Variants in STK4 observed in about 807,000 individuals in gnomAD.
STK4 encodes serine/threonine kinase 4.
Under a neutral mutation model 64.9 loss-of-function variants are expected in STK4, and 30 were observed. The observed-to-expected ratio is 0.46, with a 90% CI of 0.35 to 0.63. The LOEUF (loss-of-function observed/expected upper bound fraction) is 0.63. Among genes scored for constraint, STK4 ranks in the 20% least tolerant of loss-of-function variants. The pLI is 0.01. For missense variants in STK4, 466 were observed against 598.5 expected, an observed-to-expected ratio of 0.78 and a Z score of 2.31; for synonymous variants, 177 against 199.0, an observed-to-expected ratio of 0.89 and a Z score of 0.93.
chr20:45,063,839 G>T (rs1165296570), intron 10 of STK4, among the ~76,000 whole-genome samples: 2 of 150,208 alleles, frequency 1.3e-5, no homozygotes, highest in East Asian at 4.0e-4. Context: ...ACGGAGTCTC[G>T]CTCTGTCACC....
intron 10 of STK4, among the ~76,000 whole-genome samples, chr20:45,034,363 C>T (rs942493365): frequency 6.6e-6 from 1 of 151,722 alleles, no homozygotes; most frequent in Admixed American, 6.6e-5. Flanking sequence ...AGGGGAAAGG[C>T]GAGAGACAGT....
intron 9 of STK4, among the ~76,000 whole-genome samples, chr20:45,019,066 T>C (rs1315013778): frequency 6.6e-6 from 1 of 152,212 alleles, no homozygotes; most frequent in African/African-American, 2.4e-5. Flanking sequence ...TTATATGTCA[T>C]AAAATTTGCC....
intron 10 of STK4, among the ~76,000 whole-genome samples, chr20:45,047,598 G>T (rs1439238960): frequency 6.6e-6 from 1 of 152,174 alleles, no homozygotes; most frequent in Non-Finnish European, 1.5e-5. Context: ...ATAGGAATAT[G>T]TTAATTGGAC....
Position 45,012,996 on chromosome 20 carries a change from C to G in STK4, c.1147+11643C>G, listed in dbSNP as rs1350635314. Among the ~76,000 whole-genome samples, 3 of 124,966 alleles carry G rather than the reference C, an allele frequency of 2.4e-5. 1 individual carries two copies. The highest frequency in any genetic ancestry group is 4.8e-5 in the Non-Finnish European group (3 of 62,956). 82.0% of individuals were successfully genotyped at this position (124,966 alleles called of 152,430 possible). A position where few individuals can be genotyped will look rare whatever the true frequency, so the allele number is the denominator to read the frequency against. On this transcript the variant is annotated intron_variant, in intron 9 of 10. Coordinates refer to ENST00000372806, the MANE Select transcript of STK4 (RefSeq NM_006282.5). The stretch of plus-strand genomic sequence containing the variant: ...TTTTTTTTTATAGAGATGGGATCTC[C>G]CTGTGTTGCCCAGGCTGGTCTGGAA...
chr20:45,042,429 G>T (rs1201232214), intron 10 of STK4, among the ~76,000 whole-genome samples: 1 of 152,104 alleles, frequency 6.6e-6, no homozygotes, highest in Admixed American at 6.5e-5. Context: ...TGCTTATGTA[G>T]CCCAGTGCCT....
At chr20:45,060,871 T>C (rs1978932236) in intron 10 of STK4, among the ~76,000 whole-genome samples, 1 of 152,212 alleles carries the variant, frequency 6.6e-6, no homozygotes, top group African/African-American at 2.4e-5. Flanking sequence ...GAAGGGAGCA[T>C]GCCATATACT....
chr20:44,971,790 C>T (rs762746488), intron 1 of STK4, among the ~76,000 whole-genome samples: 3 of 150,690 alleles, frequency 2.0e-5, no homozygotes, highest in South Asian at 2.1e-4. Context: ...TATGCTTCAG[C>T]GTCCTGAGTA....
intron 6 of STK4, among the ~76,000 whole-genome samples, chr20:44,996,157 A>G (rs985004344): frequency 1.3e-5 from 2 of 152,026 alleles, no homozygotes; most frequent in African/African-American, 4.8e-5. Flanking sequence ...TTTGGTTTGT[A>G]GATCCCCATA....
At chr20:45,034,506 A>G (rs1216496816) in intron 10 of STK4, among the ~76,000 whole-genome samples, 4 of 152,228 alleles carry the variant, frequency 2.6e-5, no homozygotes, top group African/African-American at 7.2e-5. Flanking sequence ...GTGTAAATGC[A>G]TAAAAATATG....
intron 10 of STK4, among the ~76,000 whole-genome samples, chr20:45,067,324 G>A (rs546007660): frequency 6.6e-6 from 1 of 152,310 alleles, no homozygotes; most frequent in East Asian, 1.9e-4. Flanking sequence ...AAGGGATGAT[G>A]TGTTTGAGAA....
At chr20:44,981,056 T>TTTTTGTTTGTTTG (rs1165119860) in intron 3 of STK4, among the ~76,000 whole-genome samples, 1 of 152,158 alleles carries the variant, frequency 6.6e-6, no homozygotes. Flanking sequence ...GTAGCCTGCT[T>TTTTTGTTTGTTTG]TTTTGTTTGT....
At chr20:45,042,754 A>G (rs952229653) in intron 10 of STK4, among the ~76,000 whole-genome samples, 1 of 140,204 alleles carries the variant, frequency 7.1e-6, no homozygotes, top group African/African-American at 2.5e-5. Flanking sequence ...TTGTACTGCT[A>G]CTGAGAAAAA....
At chr20:45,061,694 T>C (rs1308202138) in intron 10 of STK4, among the ~76,000 whole-genome samples, 1 of 151,712 alleles carries the variant, frequency 6.6e-6, no homozygotes. Flanking sequence ...GATTATTTCA[T>C]CACCAAGTAA....
Position 45,036,926 on chromosome 20 carries a change from T to C in STK4, c.1305+11796T>C, listed in dbSNP as rs543755620. Among the ~76,000 whole-genome samples, 14 of 152,218 alleles carry C rather than the reference T, an allele frequency of 9.2e-5. No individual in the cohort carries two copies. The South Asian group carries it at 2.5e-3, about 27-fold the overall frequency. On this transcript the variant is annotated intron_variant, in intron 10 of 10. Coordinates refer to ENST00000372806, the MANE Select transcript of STK4 (RefSeq NM_006282.5). ...TTTCAAAACATCATGTTGTATACAA[T>C]AAATATGTACAAACTGTATTTGTCA...
At chr20:44,971,772 G>A (rs950360585) in intron 1 of STK4, among the ~76,000 whole-genome samples, 1 of 145,400 alleles carries the variant, frequency 6.9e-6, no homozygotes, top group African/African-American at 2.6e-5. Context: ...CTGGGTTCAC[G>A]CCATTCTTAT....
intron 9 of STK4, among the ~76,000 whole-genome samples, chr20:45,021,022 G>A (rs1198513761): frequency 6.6e-6 from 1 of 152,024 alleles, no homozygotes; most frequent in Non-Finnish European, 1.5e-5. Context: ...GTCTTGCTAT[G>A]TTGCCCAGGC....
intron 1 of STK4, 114 bp from the exon 2 acceptor site, chr20:44,971,964 G>A: frequency 2.1e-6 from 2 of 967,940 alleles, no homozygotes; most frequent in Non-Finnish European, 3.1e-6. Flanking sequence ...GTCTTAACTA[G>A]TGAAGTCTGT....
chr20:44,994,595 C>T (rs1431285075), intron 5 of STK4, among the ~76,000 whole-genome samples: 1 of 151,646 alleles, frequency 6.6e-6, no homozygotes, highest in South Asian at 2.1e-4. Flanking sequence ...CTCCTCATCT[C>T]CCCCATTACA....
intron 9 of STK4, among the ~76,000 whole-genome samples, chr20:45,011,390 G>C (rs1207003068): frequency 6.6e-6 from 1 of 152,042 alleles, no homozygotes; most frequent in East Asian, 1.9e-4. Context: ...TCATTCTTAA[G>C]TGTATTTTAA....
Sources: allele counts gnomAD v4.1 joint callset (sites outside exome capture counted in the v4.1 genomes callset), GRCh38; gene constraint gnomAD v4.1.1; transcripts MANE v1.5; gene names NCBI Gene and HGNC (gene_info 2026-07-23, HGNC 2026-07-21).